Variants in ANO3 observed in about 807,000 individuals in gnomAD.
ANO3 encodes the protein anoctamin 3.
A neutral mutation model predicts 144.8 loss-of-function variants in ANO3; 99 were observed. That is an observed-to-expected ratio of 0.68 (90% CI 0.58 to 0.81). ANO3 has a LOEUF of 0.81. Among genes scored for constraint, ANO3 ranks in the 30% least tolerant of loss-of-function variants. The probability of loss-of-function intolerance (pLI) is 0.00; values close to 1 mark genes in which losing one functional copy is unlikely to be tolerated. For missense variants in ANO3, 905 were observed against 1,202.2 expected, an observed-to-expected ratio of 0.75 and a Z score of 3.66; for synonymous variants, 414 against 392.6, an observed-to-expected ratio of 1.05 and a Z score of -0.64.
At chr11:26,236,686 C>A (rs1003346801) in intron 1 of ANO3, among the ~76,000 whole-genome samples, 1 of 151,712 alleles carries the variant, frequency 6.6e-6, no homozygotes, top group African/African-American at 2.4e-5. Context: ...GGCATGGTGG[C>A]GGGCGCCTGT....
chr11:26,241,064 G>A (rs1489096719), intron 1 of ANO3, among the ~76,000 whole-genome samples: 2 of 152,086 alleles, frequency 1.3e-5, no homozygotes, highest in Admixed American at 6.6e-5. Flanking sequence ...TGCTGTTCTC[G>A]TGATAGTGAA....
At chr11:26,307,573 G>T (rs962591299), upstream of ANO3, among the ~76,000 whole-genome samples, 3 of 151,772 alleles carry the variant, frequency 2.0e-5, no homozygotes, top group African/African-American at 7.3e-5. Context: ...GCAAAAATTA[G>T]CCAGACATGG....
intron 1 of ANO3, among the ~76,000 whole-genome samples, chr11:26,303,999 C>A (rs1854300562): frequency 6.6e-6 from 1 of 152,152 alleles, no homozygotes; most frequent in Non-Finnish European, 1.5e-5. Flanking sequence ...AGGCGTGAGC[C>A]ATCGTGCACG....
At chr11:26,466,097 T>C (rs1161341841) in intron 4 of ANO3, among the ~76,000 whole-genome samples, 2 of 151,944 alleles carry the variant, frequency 1.3e-5, no homozygotes, top group East Asian at 1.9e-4. Flanking sequence ...TATTGTGAAA[T>C]TATAATGCAC....
intron 1 of ANO3, among the ~76,000 whole-genome samples, chr11:26,391,357 G>C (rs1856874056): frequency 6.6e-6 from 1 of 151,918 alleles, no homozygotes; most frequent in South Asian, 2.1e-4. Context: ...ATCCATAAAT[G>C]AATTAATCCA....
intron 1 of ANO3, among the ~76,000 whole-genome samples, chr11:26,438,805 C>A (rs1046393215): frequency 6.7e-6 from 1 of 150,330 alleles, no homozygotes; most frequent in Admixed American, 6.6e-5. Flanking sequence ...TCAATCATAG[C>A]TGCCTTTTTT....
intron 1 of ANO3, among the ~76,000 whole-genome samples, chr11:26,401,679 C>G (rs901161501): frequency 9.2e-5 from 14 of 151,912 alleles, no homozygotes; most frequent in Admixed American, 8.5e-4. Flanking sequence ...GAGTTCGAGA[C>G]CAGCCTGGCC....
intron 20 of ANO3, among the ~76,000 whole-genome samples, chr11:26,636,922 C>A (rs922234294): frequency 1.3e-5 from 2 of 152,198 alleles, no homozygotes; most frequent in African/African-American, 4.8e-5. Flanking sequence ...CCAACAACTA[C>A]CCTGCCAGGT....
chr11:26,505,011 C>CAA (rs61530995), intron 4 of ANO3, among the ~76,000 whole-genome samples: 24 of 63,682 alleles, frequency 3.8e-4, no homozygotes, highest in African/African-American at 1.2e-3. Flanking sequence ...GACTCCACCT[C>CAA]AAAAAAAAAA....
chr11:26,264,436 G>A (rs1291896561), intron 1 of ANO3, among the ~76,000 whole-genome samples: 1 of 152,184 alleles, frequency 6.6e-6, no homozygotes, highest in Non-Finnish European at 1.5e-5. Flanking sequence ...CCCAGAAGAA[G>A]TTAATGTGCC....
intron 1 of ANO3, among the ~76,000 whole-genome samples, chr11:26,334,425 A>G (rs1855140959): frequency 6.6e-6 from 1 of 152,222 alleles, no homozygotes; most frequent in Non-Finnish European, 1.5e-5. Flanking sequence ...ATGCAACAAC[A>G]ACAACAAAAC....
chr11:26,624,434 G>A, intron 17 of ANO3, 28 bp from the exon 18 acceptor site: 1 of 1,541,352 alleles, frequency 6.5e-7, no homozygotes, highest in Non-Finnish European at 8.9e-7. Context: ...GAGGAATAAT[G>A]TTCACTATGT....
intron 17 of ANO3, among the ~76,000 whole-genome samples, chr11:26,618,484 T>C (rs1264575523): frequency 6.6e-6 from 1 of 152,186 alleles, no homozygotes; most frequent in Non-Finnish European, 1.5e-5. Flanking sequence ...TAATCTAAAC[T>C]CTTCCTATAT....
intron 1 of ANO3, among the ~76,000 whole-genome samples, chr11:26,433,320 C>A (rs1240104281): frequency 6.6e-6 from 1 of 152,146 alleles, no homozygotes; most frequent in African/African-American, 2.4e-5. Flanking sequence ...TCTACGTATA[C>A]AATCATGTCA....
chr11:26,360,093 T>C (rs1007899386), intron 1 of ANO3, among the ~76,000 whole-genome samples: 22 of 151,958 alleles, frequency 1.4e-4, no homozygotes, highest in African/African-American at 5.1e-4. Flanking sequence ...CAAAATCTTC[T>C]AGTGTTTTTT....
rs538943732 is a variant in ANO3, at chr11:26,275,176, G to A, written c.155-34469G>A. Among the ~76,000 whole-genome samples, 43 of 152,128 alleles carry A rather than the reference G, an allele frequency of 2.8e-4. 1 individual carries two copies. In the South Asian group the frequency reaches 8.3e-3, roughly 29 times the overall value. ...GTGGGGCTGACCAGCGTTATATTTA[G>A]AAGAAATGGAATCTGGATTTGTTCT... On this transcript the variant is annotated intron_variant, in intron 1 of 27. Coordinates refer to the ANO3 transcript ENST00000672621.
intron 1 of ANO3, among the ~76,000 whole-genome samples, chr11:26,283,531 T>C (rs1305468262): frequency 6.6e-6 from 1 of 151,642 alleles, no homozygotes; most frequent in Admixed American, 6.6e-5. Flanking sequence ...GAAAAGTAGT[T>C]CATAATCACG....
intron 1 of ANO3, among the ~76,000 whole-genome samples, chr11:26,200,361 A>G (rs982972233): frequency 6.6e-6 from 1 of 152,066 alleles, no homozygotes; most frequent in Admixed American, 6.6e-5. Context: ...TTTCTCTCAA[A>G]TATTGTCTCA....
At chr11:26,307,103 C>A (rs916624587), upstream of ANO3, among the ~76,000 whole-genome samples, 5 of 152,148 alleles carry the variant, frequency 3.3e-5, no homozygotes, top group African/African-American at 1.2e-4. Context: ...TGCCTGTAAT[C>A]CCAGCACTTT....
Sources: gnomAD v4.1 joint callset for allele counts (sites outside exome capture counted in the v4.1 genomes callset) on GRCh38, gnomAD v4.1.1 for gene constraint, MANE v1.5 for transcripts, NCBI Gene and HGNC (gene_info 2026-07-23, HGNC 2026-07-21) for gene names.